MARCHF1: variants seen among roughly 807,000 people sequenced by gnomAD.
MARCHF1 encodes the protein E3 ubiquitin-protein ligase MARCHF1.
In MARCHF1, 40 loss-of-function variants were observed where a neutral mutation model predicts 54.2. The observed-to-expected ratio is 0.74, with a 90% CI of 0.57 to 0.96. The LOEUF is 0.96. MARCHF1 is among the 40% of genes least tolerant of loss of function. The pLI is 0.00. For missense variants in MARCHF1, 586 were observed against 656.5 expected (o/e 0.89, Z 1.17); for synonymous variants, 236 against 236.3 (o/e 1.00, Z 0.01).
At chr4:163,857,730 G>A (rs1412471009) in intron 3 of MARCHF1, among the ~76,000 whole-genome samples, 1 of 152,062 alleles carries the variant, frequency 6.6e-6, no homozygotes, top group Admixed American at 6.6e-5. Flanking sequence ...CAAGAAATTG[G>A]GTGTATTTTG....
chr4:164,287,799 TTAGAA>T (rs1307282444), intron 1 of MARCHF1, among the ~76,000 whole-genome samples: 2 of 152,184 alleles, frequency 1.3e-5, no homozygotes, highest in African/African-American at 2.4e-5. Flanking sequence ...TAGTTATTCT[TTAGAA>T]TAGAATATCT....
At chr4:164,318,874 A>T (rs1561000751) in intron 1 of MARCHF1, among the ~76,000 whole-genome samples, 1 of 152,254 alleles carries the variant, frequency 6.6e-6, no homozygotes, top group Non-Finnish European at 1.5e-5. Flanking sequence ...TATCATTTGT[A>T]ATATGTTTAT....
At chr4:163,586,654 T>C (rs1439582689) in intron 7 of MARCHF1, among the ~76,000 whole-genome samples, 1 of 152,250 alleles carries the variant, frequency 6.6e-6, no homozygotes, top group Non-Finnish European at 1.5e-5. Context: ...TATCGTGCTA[T>C]GTCCCCAATT....
At chr4:164,143,472 T>C (rs2110873247) in intron 1 of MARCHF1, among the ~76,000 whole-genome samples, 2 of 150,588 alleles carry the variant, frequency 1.3e-5, no homozygotes, top group Middle Eastern at 3.4e-3. Context: ...ACAGCAGATC[T>C]CTCGGCAGAA....
intron 2 of MARCHF1, among the ~76,000 whole-genome samples, chr4:164,081,786 T>C (rs1199660152): frequency 3.3e-5 from 5 of 152,202 alleles, no homozygotes; most frequent in African/African-American, 1.2e-4. Flanking sequence ...TTGTGAGCTC[T>C]TGGGAAATTT....
intron 1 of MARCHF1, among the ~76,000 whole-genome samples, chr4:164,343,602 G>A (rs1229470386): frequency 6.6e-6 from 1 of 152,098 alleles, no homozygotes; most frequent in Non-Finnish European, 1.5e-5. Flanking sequence ...AAACATACAA[G>A]CAGCTAACAA....
chr4:164,160,063 G>T (rs1730190215), intron 1 of MARCHF1, among the ~76,000 whole-genome samples: 1 of 151,688 alleles, frequency 6.6e-6, no homozygotes, highest in African/African-American at 2.4e-5. Flanking sequence ...TTTTATTATT[G>T]TTAGATGTTA....
At chr4:164,031,405 T>G (rs1271115516) in intron 2 of MARCHF1, among the ~76,000 whole-genome samples, 3 of 146,990 alleles carry the variant, frequency 2.0e-5, no homozygotes, top group Non-Finnish European at 3.0e-5. Context: ...GTCTAGCTAG[T>G]GGGGTATCTA....
At chr4:164,196,013 G>C (rs777150845) in intron 1 of MARCHF1, among the ~76,000 whole-genome samples, 5 of 152,030 alleles carry the variant, frequency 3.3e-5, no homozygotes, top group Non-Finnish European at 5.9e-5. Flanking sequence ...CAATTTTCCA[G>C]CAATCATTAT....
intron 5 of MARCHF1, among the ~76,000 whole-genome samples, chr4:163,683,153 A>G: frequency 6.6e-6 from 1 of 152,192 alleles, no homozygotes. Flanking sequence ...CACACTGCTG[A>G]TAAAGACATA....
At chr4:164,259,645 G>T (rs1733407928) in intron 1 of MARCHF1, among the ~76,000 whole-genome samples, 1 of 151,672 alleles carries the variant, frequency 6.6e-6, no homozygotes, top group South Asian at 2.1e-4. Flanking sequence ...CAGCAGTTCA[G>T]CAGTTTATAC....
intron 4 of MARCHF1, among the ~76,000 whole-genome samples, chr4:163,808,401 C>T (rs1201898745): frequency 6.6e-6 from 1 of 152,028 alleles, no homozygotes; most frequent in Non-Finnish European, 1.5e-5. Context: ...AATAAAATTT[C>T]AAATGTAAGT....
intron 2 of MARCHF1, among the ~76,000 whole-genome samples, chr4:164,045,511 TTAAATAAA>T (rs33998703): frequency 0.52 from 75,576 of 145,166 alleles, 21,459 homozygotes; most frequent in Non-Finnish European, 0.64. Context: ...GACTCCATCT[TTAAATAAA>T]TAAATAAATA....
At chr4:164,018,755 C>T (rs1344499953) in intron 2 of MARCHF1, among the ~76,000 whole-genome samples, 1 of 152,048 alleles carries the variant, frequency 6.6e-6, no homozygotes, top group Non-Finnish European at 1.5e-5. Flanking sequence ...CCTTTTATTG[C>T]TACTTTTGCT....
At chr4:164,373,273 C>T (rs569714851) in intron 1 of MARCHF1, among the ~76,000 whole-genome samples, 2 of 151,806 alleles carry the variant, frequency 1.3e-5, no homozygotes, top group Admixed American at 1.3e-4. Flanking sequence ...GGAATTTGAG[C>T]TTCTCCAACT....
chr4:164,382,507 A>G (rs114587749), intron 1 of MARCHF1, among the ~76,000 whole-genome samples: 2,100 of 152,328 alleles, frequency 0.014, 53 homozygotes, highest in African/African-American at 0.048. Flanking sequence ...ATTCATACAT[A>G]CAAAATTACT....
chr4:164,152,388 C>A (rs1163718684), intron 1 of MARCHF1, among the ~76,000 whole-genome samples: 1 of 152,144 alleles, frequency 6.6e-6, no homozygotes, highest in Non-Finnish European at 1.5e-5. Flanking sequence ...TACCCAAATT[C>A]CTACCTAAGG....
intron 4 of MARCHF1, among the ~76,000 whole-genome samples, chr4:163,835,432 C>G (rs997918465): frequency 6.6e-6 from 1 of 152,162 alleles, no homozygotes; most frequent in Non-Finnish European, 1.5e-5. Context: ...TGAACTATAG[C>G]AAGTGGAGGT....
chr4:164,009,723 C>A (rs1753376429), intron 2 of MARCHF1, among the ~76,000 whole-genome samples: 1 of 151,812 alleles, frequency 6.6e-6, no homozygotes, highest in Non-Finnish European at 1.5e-5. Context: ...TGCTGAAAAG[C>A]ATTTGACAAA....
Sources: allele counts gnomAD v4.1 joint callset (sites outside exome capture counted in the v4.1 genomes callset), GRCh38; gene constraint gnomAD v4.1.1; transcripts MANE v1.5; gene names NCBI Gene and HGNC (gene_info 2026-07-23, HGNC 2026-07-21).